The following TNR variants were observed in gnomAD, a reference collection of about 807,000 sequenced individuals.
TNR encodes tenascin-R.
A neutral mutation model predicts 150.4 loss-of-function variants in TNR; 45 were observed. That is an observed-to-expected ratio of 0.30 (90% CI 0.24 to 0.38). The LOEUF is 0.38. Ranked by LOEUF, TNR falls within the 10% of genes least tolerant of loss-of-function variation. TNR has a pLI of 1.00. For synonymous variants in TNR, 687 were observed against 678.4 expected, an observed-to-expected ratio of 1.01 and a Z score of -0.20; for missense variants, 1,544 against 1,759.1, an observed-to-expected ratio of 0.88 and a Z score of 2.19.
At chr1:175,553,230 G>T (rs1661014021) in intron 1 of TNR, among the ~76,000 whole-genome samples, 1 of 152,124 alleles carries the variant, frequency 6.6e-6, no homozygotes, top group Non-Finnish European at 1.5e-5. Flanking sequence ...AAACATTAGG[G>T]TTTGTGTCCA....
intron 8 of TNR, among the ~76,000 whole-genome samples, chr1:175,380,910 GC>G (rs1652644185): frequency 6.6e-6 from 1 of 152,248 alleles, no homozygotes; most frequent in African/African-American, 2.4e-5. Flanking sequence ...ATATGCAAAA[GC>G]AAGGCAAGTT....
chr1:175,558,895 C>T (rs892683968), intron 1 of TNR, among the ~76,000 whole-genome samples: 2 of 152,108 alleles, frequency 1.3e-5, no homozygotes, highest in African/African-American at 2.4e-5. Context: ...AATATGTATA[C>T]CAAGAGCGAA....
At chr1:175,672,927 T>C (rs1231950549) in intron 1 of TNR, among the ~76,000 whole-genome samples, 1 of 152,160 alleles carries the variant, frequency 6.6e-6, no homozygotes, top group East Asian at 1.9e-4. Context: ...TCTGCATGTC[T>C]CTGCTCATTC....
intron 1 of TNR, among the ~76,000 whole-genome samples, chr1:175,559,725 G>A (rs1174134682): frequency 6.6e-6 from 1 of 152,126 alleles, no homozygotes; most frequent in Non-Finnish European, 1.5e-5. Context: ...CCATTCTCCT[G>A]TTGATGGACC....
At chr1:175,740,449 T>G (rs1339866508) in intron 1 of TNR, among the ~76,000 whole-genome samples, 4 of 151,214 alleles carry the variant, frequency 2.6e-5, no homozygotes, top group African/African-American at 9.7e-5. Context: ...AAAAAAAAAG[T>G]AATAATGGCG....
intron 4 of TNR, 58 bp downstream of exon 4, chr1:175,403,082 A>G: frequency 1.4e-6 from 2 of 1,409,700 alleles, no homozygotes; most frequent in Non-Finnish European, 9.9e-7. Context: ...AACTGGAGGC[A>G]TCCAGCTAGT....
At chr1:175,406,105 C>T in intron 3 of TNR, 111 bp downstream of exon 3, 1 of 1,428,470 alleles carries the variant, frequency 7.0e-7, no homozygotes, top group Admixed American at 2.3e-5. Context: ...CGGGGTTTTG[C>T]TGGGAGTGCG....
At chr1:175,469,223 C>T (rs1046323735) in intron 2 of TNR, among the ~76,000 whole-genome samples, 1 of 152,074 alleles carries the variant, frequency 6.6e-6, no homozygotes, top group African/African-American at 2.4e-5. Context: ...ACCTTGTTCT[C>T]TGGATCCCAA....
Position 175,393,774 on chromosome 1 carries a change from T to TGTTA in TNR, c.1356+2_1356+5dup. The TGTTA allele has an allele frequency of 1.2e-6, 2 of 1,605,076 alleles. No individual in the cohort carries two copies. Among genetic ancestry groups the TGTTA allele is most frequent in the Non-Finnish European group, 1.7e-6 (2 of 1,171,826 alleles). On this transcript the variant is annotated splice_donor_region_variant and intron_variant, in intron 6 of 22. Coordinates refer to ENST00000367674, the MANE Select transcript of TNR (RefSeq NM_003285.3). ...TCTGTTTGGCAGTGTAACAGGTGAG[T>TGTTA]GTTACCTTTGGAATGAAGCTGATTT...
At chr1:175,699,789 T>C (rs1666633943) in intron 1 of TNR, among the ~76,000 whole-genome samples, 1 of 152,052 alleles carries the variant, frequency 6.6e-6, no homozygotes, top group Non-Finnish European at 1.5e-5. Context: ...TGGGAATAAG[T>C]AATGCCCAGG....
intron 7 of TNR, among the ~76,000 whole-genome samples, chr1:175,387,853 C>T (rs1653006839): frequency 6.6e-6 from 1 of 152,160 alleles, no homozygotes; most frequent in Non-Finnish European, 1.5e-5. Context: ...CCCTGGGTAC[C>T]CCTCCCTCTT....
At chr1:175,372,172 G>A (rs540300872) in intron 9 of TNR, among the ~76,000 whole-genome samples, 14 of 152,276 alleles carry the variant, frequency 9.2e-5, no homozygotes, top group South Asian at 2.1e-4. Flanking sequence ...TAAGCTTTCC[G>A]AGGCCCTCAC....
intron 2 of TNR, among the ~76,000 whole-genome samples, chr1:175,455,708 G>C (rs577918979): frequency 3.3e-5 from 5 of 152,304 alleles, no homozygotes; most frequent in African/African-American, 9.6e-5. Context: ...GGAGACATTC[G>C]AGGAAGAGAG....
intron 1 of TNR, among the ~76,000 whole-genome samples, chr1:175,670,263 T>C (rs1046444609): frequency 6.6e-6 from 1 of 152,056 alleles, no homozygotes; most frequent in Non-Finnish European, 1.5e-5. Flanking sequence ...CAAAGCCCAT[T>C]TGGGGATTTC....
intron 1 of TNR, among the ~76,000 whole-genome samples, chr1:175,617,717 A>G (rs1342179979): frequency 2.6e-5 from 4 of 152,234 alleles, no homozygotes. Flanking sequence ...AATATTGATA[A>G]TAACAGTTTC....
chr1:175,366,162 A>G, intron 10 of TNR, 24 bp from the exon 11 acceptor site: 1 of 1,563,720 alleles, frequency 6.4e-7, no homozygotes, highest in African/African-American at 1.4e-5. Flanking sequence ...TAAATGGCCT[A>G]TTTTACATGT....
rs926864112 is a variant in TNR at position 175,657,185 on chromosome 1, A to G, written c.-165+86041T>C. ...GAGGTCCCCATCAAGATGCCAGGTG[A>G]CCATCAGAGAAATGCAAATCAAAAC... On this transcript the variant is annotated intron_variant, in intron 1 of 22. Coordinates refer to ENST00000367674, the MANE Select transcript of TNR (RefSeq NM_003285.3). 2.6e-5 allele frequency among the ~76,000 whole-genome samples: 4 copies of G among 152,180 alleles called. No individual in the cohort carries two copies. The East Asian group carries it at 7.7e-4, about 29-fold the overall frequency.
intron 1 of TNR, among the ~76,000 whole-genome samples, chr1:175,556,353 C>T (rs924427162): frequency 3.3e-5 from 5 of 152,236 alleles, no homozygotes; most frequent in Admixed American, 6.5e-5. Flanking sequence ...TATTCAAGTG[C>T]GTAAAGGACT....
chr1:175,529,124 C>T (rs546683018), intron 1 of TNR, among the ~76,000 whole-genome samples: 127 of 152,260 alleles, frequency 8.3e-4, no homozygotes, highest in African/African-American at 2.9e-3. Flanking sequence ...ACACAATTTC[C>T]AAGGAAGTGT....
Sources: gnomAD v4.1 joint callset for allele counts (sites outside exome capture counted in the v4.1 genomes callset) on GRCh38, gnomAD v4.1.1 for gene constraint, MANE v1.5 for transcripts, NCBI Gene and HGNC (gene_info 2026-07-23, HGNC 2026-07-21) for gene names.